Variants in TMC5 observed in about 807,000 individuals in gnomAD.
TMC5 encodes the protein transmembrane channel-like protein 5.
Under a neutral mutation model 110.5 loss-of-function variants are expected in TMC5, and 86 were observed. The observed-to-expected ratio is 0.78, with a 90% CI of 0.65 to 0.93. The LOEUF is 0.93. Among genes scored for constraint, TMC5 ranks in the 40% least tolerant of loss-of-function variants. The pLI, the probability that TMC5 is intolerant of heterozygous loss-of-function variation, is 0.00. For missense variants in TMC5, 1,144 were observed against 1,222.8 expected, an observed-to-expected ratio of 0.94 and a Z score of 0.96; for synonymous variants, 455 against 439.5, an observed-to-expected ratio of 1.04 and a Z score of -0.44.
chr16:19,474,094 A>T (rs534511740), intron 11 of TMC5, 31 bp from the exon 12 acceptor site: 1 of 1,608,084 alleles, frequency 6.2e-7, no homozygotes, highest in South Asian at 1.1e-5. Flanking sequence ...TGTACAAGTC[A>T]GCCCTCCGTT....
At chr16:19,449,855 T>G (rs1207934395) in intron 5 of TMC5, among the ~76,000 whole-genome samples, 1 of 152,150 alleles carries the variant, frequency 6.6e-6, no homozygotes, top group Non-Finnish European at 1.5e-5. Context: ...AGATGTGCCC[T>G]TCTTTCCCCT....
chr16:19,439,057 GC>G (rs1393409640), intron 2 of TMC5, among the ~76,000 whole-genome samples: 28 of 152,344 alleles, frequency 1.8e-4, no homozygotes, highest in African/African-American at 6.7e-4. Context: ...ACAATTGGTT[GC>G]CTGTGATTGG....
chr16:19,487,414 T>C, intron 17 of TMC5, 88 bp downstream of exon 17: 1 of 1,505,742 alleles, frequency 6.6e-7, no homozygotes, highest in Non-Finnish European at 8.9e-7. Flanking sequence ...AATTCAGGTG[T>C]GGTGAGGCCG....
Position 19,449,079 on chromosome 16 carries a change from C to T in TMC5, c.959-463C>T, listed in dbSNP as rs1028631703. On this transcript the variant is annotated intron_variant, in intron 4 of 21. Transcript: ENST00000542583. ...GGTTAGCCAGGATGGTCTCGATCTC[C>T]TGACCTCGTGATCCACCTGTCTCGG... Among the ~76,000 whole-genome samples the T allele has an allele frequency of 2.6e-5, 4 of 151,950 alleles. No homozygotes were observed. In the East Asian group the frequency reaches 7.7e-4, roughly 29 times the overall value.
exon 1 of TMC5, chr16:19,410,965 G>A (rs1209543459): frequency 6.6e-6 from 1 of 152,346 alleles, no homozygotes; most frequent in Admixed American, 6.5e-5. Context: ...CCGGAGTGCG[G>A]GGAGAACCAC....
intron 2 of TMC5, among the ~76,000 whole-genome samples, chr16:19,438,951 C>T (rs1040696941): frequency 1.3e-5 from 2 of 152,104 alleles, no homozygotes; most frequent in African/African-American, 4.8e-5. Flanking sequence ...GATTTATGGA[C>T]AAGAAAAGGG....
chr16:19,411,999 C>T (rs1207590623), intron 1 of TMC5, among the ~76,000 whole-genome samples: 1 of 152,136 alleles, frequency 6.6e-6, no homozygotes, highest in Non-Finnish European at 1.5e-5. Context: ...TGGCAGTTAT[C>T]TGATTCTTCT....
At chr16:19,457,302 G>T (rs1326297574) in intron 5 of TMC5, among the ~76,000 whole-genome samples, 1 of 152,184 alleles carries the variant, frequency 6.6e-6, no homozygotes, top group Non-Finnish European at 1.5e-5. Context: ...GCTAAGGTGG[G>T]AAGATCACTT....
At position 19,492,943 on chromosome 16, in the gene TMC5, A is replaced by ATATAT. The variant is rs61334845; in HGVS notation, c.2826+715_2826+716insTATAT. 5.9e-3 allele frequency among the ~76,000 whole-genome samples: 539 copies of ATATAT among 92,058 alleles called. 77 individuals carry two copies. Among genetic ancestry groups the ATATAT allele is most frequent in the African/African-American group, 8.7e-3 (255 of 29,158 alleles). 60.4% of individuals were successfully genotyped at this position (92,058 alleles called of 152,430 possible). ...ATATATATATATATATCTCTCTATA[A>ATATAT]GATAAATACTTTTATTTCATTTATT... On this transcript the variant is annotated intron_variant, in intron 19 of 21. Transcript: ENST00000542583.
In TMC5 at chr16:19,449,651, T is replaced by A; in HGVS notation, c.1048+20T>A. 7 of 1,603,574 alleles carry A rather than the reference T, an allele frequency of 4.4e-6. No homozygotes were observed. Among genetic ancestry groups the A allele is most frequent in the Non-Finnish European group, 5.1e-6 (6 of 1,170,672 alleles). ...CCCAAGGTAAGTGATATGGTTTGGC[T>A]CTGTGTCCCCACCCAACTCTCATTT... On this transcript the variant is annotated intron_variant, in intron 5 of 21. Coordinates refer to ENST00000542583, the MANE Select transcript of TMC5 (RefSeq NM_001261841.2).
chr16:19,455,533 C>G lies in TMC5; in HGVS notation c.1049-4702C>G, dbSNP rs542399543. 8.4e-4 allele frequency among the ~76,000 whole-genome samples: 128 copies of G among 152,302 alleles called. 2 individuals are homozygous for G. The highest frequency in any genetic ancestry group is 3.4e-3 in the Middle Eastern group (1 of 294). ...CCCATGATGCCCTCAAGGACTGAAG[C>G]CCCTTCTGCAGCCTTTTTCTCTACC... On this transcript the variant is annotated intron_variant, in intron 5 of 21. Coordinates refer to ENST00000542583, the MANE Select transcript of TMC5 (RefSeq NM_001261841.2).
chr16:19,493,466 T>TCTCTCTCTC (rs563230178), intron 19 of TMC5, among the ~76,000 whole-genome samples: 25 of 124,490 alleles, frequency 2.0e-4, no homozygotes, highest in African/African-American at 9.4e-4. Context: ...TCTCTCTCTC[T>TCTCTCTCTC]TTTTTTTTTT....
intron 10 of TMC5, among the ~76,000 whole-genome samples, chr16:19,470,241 T>G (rs1237410193): frequency 1.3e-5 from 2 of 148,814 alleles, no homozygotes; most frequent in Non-Finnish European, 1.5e-5. Context: ...CAGGCTGGAG[T>G]GCAGTGGCAT....
chr16:19,436,901 G>T (rs897339359), intron 2 of TMC5, among the ~76,000 whole-genome samples: 2 of 152,056 alleles, frequency 1.3e-5, no homozygotes, highest in African/African-American at 4.8e-5. Flanking sequence ...AACTTTGGCC[G>T]GTTGCAGTGG....
intron 19 of TMC5, 83 bp downstream of exon 19, chr16:19,492,311 T>C: frequency 1.1e-6 from 1 of 937,540 alleles, no homozygotes; most frequent in East Asian, 2.5e-5. Flanking sequence ...AAGAGAATAC[T>C]ACAATGAACT....
intron 17 of TMC5, among the ~76,000 whole-genome samples, chr16:19,488,076 A>G (rs1968797147): frequency 6.6e-6 from 1 of 152,076 alleles, no homozygotes; most frequent in Non-Finnish European, 1.5e-5. Context: ...GTGGTGGCCC[A>G]GAGTGTGAGA....
At chr16:19,419,854 G>A (rs913709812) in intron 1 of TMC5, among the ~76,000 whole-genome samples, 6 of 152,086 alleles carry the variant, frequency 3.9e-5, no homozygotes, top group Admixed American at 1.3e-4. Context: ...AAGATTTTTC[G>A]GGATGACGTG....
intron 2 of TMC5, among the ~76,000 whole-genome samples, chr16:19,437,786 C>T (rs1355714137): frequency 6.6e-6 from 1 of 152,176 alleles, no homozygotes; most frequent in Admixed American, 6.5e-5. Flanking sequence ...CTACTAATTA[C>T]TCTTTTTCTC....
chr16:19,427,889 A>G (rs760926790), intron 1 of TMC5, among the ~76,000 whole-genome samples: 10 of 152,184 alleles, frequency 6.6e-5, no homozygotes, highest in South Asian at 2.1e-4. Flanking sequence ...CCAGCCGCAC[A>G]CTGCGTACTT....
Sources: allele counts gnomAD v4.1 joint callset (sites outside exome capture counted in the v4.1 genomes callset), GRCh38; gene constraint gnomAD v4.1.1; transcripts MANE v1.5; gene names NCBI Gene and HGNC (gene_info 2026-07-23, HGNC 2026-07-21).